The following AKT3 variants were observed in gnomAD, a reference collection of about 807,000 sequenced individuals.
AKT3 encodes the protein AKT serine/threonine kinase 3.
AKT3 carries 15 observed loss-of-function variants against 65.3 expected under a neutral mutation model. The ratio of observed to expected loss-of-function variants is 0.23; its 90% CI spans 0.15 to 0.35. AKT3 has a LOEUF of 0.35. AKT3 is among the 10% of genes least tolerant of loss of function. The probability of loss-of-function intolerance (pLI) is 1.00; values close to 1 mark genes in which losing one functional copy is unlikely to be tolerated. For synonymous variants in AKT3, 206 were observed against 183.8 expected (o/e 1.12, Z -0.98); for missense variants, 243 against 576.5 (o/e 0.42, Z 5.92).
intron 2 of AKT3, among the ~76,000 whole-genome samples, chr1:243,733,923 C>T (rs1288971914): frequency 6.6e-6 from 1 of 152,106 alleles, no homozygotes. Flanking sequence ...TTAAACAAAG[C>T]ACAATAAACT....
intron 2 of AKT3, among the ~76,000 whole-genome samples, chr1:243,838,264 T>C (rs534575504): frequency 2.4e-4 from 36 of 152,242 alleles, no homozygotes; most frequent in Middle Eastern, 3.4e-3. Context: ...TCAATACCAT[T>C]AGAAAATAAA....
intron 2 of AKT3, among the ~76,000 whole-genome samples, chr1:243,733,205 T>C (rs1687658009): frequency 6.6e-6 from 1 of 152,146 alleles, no homozygotes; most frequent in Admixed American, 6.6e-5. Context: ...TGGAACTTTC[T>C]CCAAATATCA....
chr1:243,499,169 T>C (rs1455670806), downstream of AKT3, among the ~76,000 whole-genome samples: 2 of 152,196 alleles, frequency 1.3e-5, no homozygotes, highest in African/African-American at 4.8e-5. Context: ...TGAAGCTACT[T>C]TGGAACATTT....
At chr1:243,545,422 C>T in intron 12 of AKT3, 88 bp downstream of exon 12, 2 of 751,934 alleles carry the variant, frequency 2.7e-6, no homozygotes, top group Non-Finnish European at 4.4e-6. Context: ...ACATCATTAA[C>T]TTTTATTCAC....
At chr1:243,785,575 G>T (rs910262357) in intron 2 of AKT3, among the ~76,000 whole-genome samples, 1 of 152,084 alleles carries the variant, frequency 6.6e-6, no homozygotes, top group Non-Finnish European at 1.5e-5. Context: ...TCTTTCACAT[G>T]TGAGTTACAA....
intron 2 of AKT3, among the ~76,000 whole-genome samples, chr1:243,750,434 CG>C (rs1688738722): frequency 6.6e-6 from 1 of 150,612 alleles, no homozygotes; most frequent in Non-Finnish European, 1.5e-5. Context: ...CACACACACA[CG>C]CACGCACGCA....
At chr1:243,578,464 A>G (rs974203725) in intron 8 of AKT3, among the ~76,000 whole-genome samples, 3 of 152,180 alleles carry the variant, frequency 2.0e-5, no homozygotes, top group African/African-American at 7.2e-5. Flanking sequence ...GTTCTCACTC[A>G]TAAGTGGGAG....
chr1:243,584,037 G>A (rs1226456444), intron 8 of AKT3, among the ~76,000 whole-genome samples: 1 of 152,112 alleles, frequency 6.6e-6, no homozygotes, highest in Non-Finnish European at 1.5e-5. Flanking sequence ...CCAAAAGTTG[G>A]TTCTTTGAAA....
At chr1:243,560,874 C>T (rs1465351676) in intron 10 of AKT3, among the ~76,000 whole-genome samples, 2 of 152,022 alleles carry the variant, frequency 1.3e-5, no homozygotes, top group African/African-American at 4.8e-5. Flanking sequence ...CTAATTGTGA[C>T]ACAATTAATT....
chr1:243,835,861 A>G lies in AKT3; in HGVS notation c.46+7264T>C, dbSNP rs544018054. Among the ~76,000 whole-genome samples, 4 of 152,258 alleles carry G rather than the reference A, an allele frequency of 2.6e-5. No homozygotes were observed. The South Asian group carries it at 8.3e-4, about 32-fold the overall frequency. On this transcript the variant is annotated intron_variant, in intron 2 of 13. Coordinates refer to ENST00000673466, the MANE Select transcript of AKT3 (RefSeq NM_005465.7). ...AATAACAGTATGCCTAAGTTCAACC[A>G]CACCAACAATAACATTAACTATAAA...
chr1:243,797,165 C>T (rs572482561), intron 2 of AKT3, among the ~76,000 whole-genome samples: 70 of 151,732 alleles, frequency 4.6e-4, no homozygotes, highest in African/African-American at 1.7e-3. Context: ...CTAAAAAATA[C>T]TTTTTTAAAA....
chr1:243,720,113 G>A (rs980636025), intron 2 of AKT3, among the ~76,000 whole-genome samples: 6 of 151,996 alleles, frequency 3.9e-5, no homozygotes, highest in African/African-American at 1.2e-4. Flanking sequence ...AGGAGGTCAA[G>A]ACCAGCCTGA....
At chr1:243,492,428 A>G (rs1199157554) in intron 13 of AKT3, among the ~76,000 whole-genome samples, 1 of 143,592 alleles carries the variant, frequency 7.0e-6, no homozygotes, top group Non-Finnish European at 1.5e-5. Flanking sequence ...CAGGCTCCCA[A>G]GTAGCTGGGA....
chr1:243,660,292 G>T (rs1228225717), intron 4 of AKT3, among the ~76,000 whole-genome samples: 18 of 152,030 alleles, frequency 1.2e-4, no homozygotes, highest in East Asian at 9.7e-4. Flanking sequence ...TATTCTCTGA[G>T]GGTAGTTTGT....
chr1:243,761,666 A>C (rs1689499278), intron 2 of AKT3, among the ~76,000 whole-genome samples: 1 of 152,138 alleles, frequency 6.6e-6, no homozygotes, highest in Non-Finnish European at 1.5e-5. Flanking sequence ...CACATGAGTT[A>C]CTTTACCCTT....
intron 2 of AKT3, among the ~76,000 whole-genome samples, chr1:243,758,875 TG>T (rs1689311262): frequency 6.6e-6 from 1 of 152,166 alleles, no homozygotes; most frequent in Non-Finnish European, 1.5e-5. Flanking sequence ...GTCCACAGGC[TG>T]GGGGTTGGGG....
chr1:243,647,526 T>C (rs1680912659), intron 4 of AKT3, among the ~76,000 whole-genome samples: 1 of 152,234 alleles, frequency 6.6e-6, no homozygotes, highest in Non-Finnish European at 1.5e-5. Flanking sequence ...TGTTCTTTTA[T>C]GCTATTGTGG....
At chr1:243,581,825 A>G (rs1675381821) in intron 8 of AKT3, among the ~76,000 whole-genome samples, 1 of 151,814 alleles carries the variant, frequency 6.6e-6, no homozygotes, top group Non-Finnish European at 1.5e-5. Flanking sequence ...GACAAAGTTG[A>G]AAATCAACAA....
At chr1:243,534,004 A>G (rs1244885582) in intron 12 of AKT3, among the ~76,000 whole-genome samples, 2 of 152,162 alleles carry the variant, frequency 1.3e-5, no homozygotes, top group African/African-American at 4.8e-5. Context: ...AACAAAAAGA[A>G]AAACAAAAAA....
Sources: gnomAD v4.1 joint callset for allele counts (sites outside exome capture counted in the v4.1 genomes callset) on GRCh38, gnomAD v4.1.1 for gene constraint, MANE v1.5 for transcripts, NCBI Gene and HGNC (gene_info 2026-07-23, HGNC 2026-07-21) for gene names.